The following MSI2 variants were observed in gnomAD, a reference collection of about 807,000 sequenced individuals.
MSI2 encodes musashi RNA binding protein 2, also known as RNA-binding protein Musashi homolog 2.
In MSI2, 17 loss-of-function variants were observed where a neutral mutation model predicts 45.6. That is an observed-to-expected ratio of 0.37 (90% CI 0.26 to 0.56). The LOEUF (loss-of-function observed/expected upper bound fraction) is 0.56, where lower values mean the gene tolerates loss of function less well. Among genes scored for constraint, MSI2 ranks in the 20% least tolerant of loss-of-function variants. The pLI is 0.77. For missense variants in MSI2, 293 were observed against 444.2 expected (o/e 0.66, Z 3.06); for synonymous variants, 156 against 158.2 (o/e 0.99, Z 0.11).
At chr17:57,610,137 T>C (rs1907090538) in intron 8 of MSI2, among the ~76,000 whole-genome samples, 2 of 152,028 alleles carry the variant, frequency 1.3e-5, no homozygotes, top group African/African-American at 4.8e-5. Context: ...ATGAAACGCA[T>C]ACCAACTTAC....
intron 7 of MSI2, among the ~76,000 whole-genome samples, chr17:57,570,170 G>A (rs1283311850): frequency 1.3e-5 from 2 of 152,134 alleles, no homozygotes; most frequent in Non-Finnish European, 2.9e-5. Context: ...ATTTATATAC[G>A]CTGTGAATCA....
intron 11 of MSI2, among the ~76,000 whole-genome samples, chr17:57,664,001 C>T (rs1438681055): frequency 6.8e-6 from 1 of 148,082 alleles, no homozygotes; most frequent in East Asian, 1.9e-4. Context: ...GGATGATTAA[C>T]AGCTTAAAAA....
At chr17:57,444,707 A>G (rs2084863771) in intron 6 of MSI2, 1 of 152,236 alleles carries the variant, frequency 6.6e-6, no homozygotes, top group Non-Finnish European at 1.5e-5. Flanking sequence ...TTGTCCCTGG[A>G]AGGGCAGAAA....
intron 5 of MSI2, among the ~76,000 whole-genome samples, chr17:57,377,680 A>G (rs916894540): frequency 6.6e-6 from 1 of 152,114 alleles, no homozygotes; most frequent in Admixed American, 6.5e-5. Context: ...CTTGCTCTTC[A>G]TTACTTTAAA....
chr17:57,547,242 C>T (rs2087190669), intron 7 of MSI2, among the ~76,000 whole-genome samples: 1 of 152,126 alleles, frequency 6.6e-6, no homozygotes, highest in African/African-American at 2.4e-5. Context: ...GGCAGACAAG[C>T]GCTGGATGGT....
At chr17:57,643,455 C>T (rs919641893) in intron 10 of MSI2, among the ~76,000 whole-genome samples, 9 of 152,260 alleles carry the variant, frequency 5.9e-5, no homozygotes, top group African/African-American at 2.2e-4. Flanking sequence ...TCCTGGTCCT[C>T]TGCTGGGTCA....
At chr17:57,301,317 A>G (rs1182602222) in intron 5 of MSI2, among the ~76,000 whole-genome samples, 2 of 152,232 alleles carry the variant, frequency 1.3e-5, no homozygotes, top group Admixed American at 1.3e-4. Flanking sequence ...AGCGGATGCA[A>G]GGTCCCAGAA....
At chr17:57,648,010 T>C (rs1431670357) in intron 10 of MSI2, among the ~76,000 whole-genome samples, 1 of 152,112 alleles carries the variant, frequency 6.6e-6, no homozygotes, top group African/African-American at 2.4e-5. Context: ...TCACCCAGGC[T>C]GGAGTGCAGT....
At chr17:57,555,724 A>G in intron 7 of MSI2, among the ~76,000 whole-genome samples, 1 of 152,172 alleles carries the variant, frequency 6.6e-6, no homozygotes, top group Non-Finnish European at 1.5e-5. Context: ...CTGGGACATA[A>G]TAGGTACTTG....
At chr17:57,608,188 T>C (rs997237792) in intron 8 of MSI2, 1 of 152,548 alleles carries the variant, frequency 6.6e-6, no homozygotes, top group African/African-American at 2.4e-5. Context: ...AGGGGTGCAA[T>C]TGCTGCCTCA....
intron 5 of MSI2, among the ~76,000 whole-genome samples, chr17:57,337,889 A>G (rs1308930971): frequency 6.6e-6 from 1 of 152,170 alleles, no homozygotes; most frequent in East Asian, 1.9e-4. Context: ...AAGAACCCAG[A>G]ATTAGAATCA....
chr17:57,450,503 C>G (rs566894050), intron 6 of MSI2, among the ~76,000 whole-genome samples: 33 of 151,534 alleles, frequency 2.2e-4, no homozygotes, highest in Admixed American at 6.6e-5. Context: ...ATGGTGAAAC[C>G]CTGTAAAAAT....
intron 5 of MSI2, among the ~76,000 whole-genome samples, chr17:57,324,699 T>A (rs1280429629): frequency 2.0e-5 from 3 of 152,194 alleles, no homozygotes; most frequent in Admixed American, 6.5e-5. Flanking sequence ...AGAGGCCAAC[T>A]CCATTCCATC....
At chr17:57,367,893 G>C (rs1394544367) in intron 5 of MSI2, among the ~76,000 whole-genome samples, 2 of 152,148 alleles carry the variant, frequency 1.3e-5, no homozygotes, top group Non-Finnish European at 2.9e-5. Flanking sequence ...GTAGGAGACG[G>C]AGGGTGCCGC....
At chr17:57,333,025 C>CA (rs1038343649) in intron 5 of MSI2, among the ~76,000 whole-genome samples, 4 of 144,718 alleles carry the variant, frequency 2.8e-5, no homozygotes, top group East Asian at 2.1e-4. Flanking sequence ...ACTCTGTGTC[C>CA]AAAAAAAAGA....
At chr17:57,651,856 G>A (rs1911174948) in intron 10 of MSI2, among the ~76,000 whole-genome samples, 1 of 152,218 alleles carries the variant, frequency 6.6e-6, no homozygotes, top group African/African-American at 2.4e-5. Flanking sequence ...ATTGTTGTGG[G>A]CCTTCTAGAA....
intron 6 of MSI2, chr17:57,450,003 C>T (rs1045123389): frequency 6.6e-6 from 1 of 151,988 alleles, no homozygotes; most frequent in African/African-American, 2.4e-5. Flanking sequence ...TCTAGCCTGG[C>T]AACAGAGTGA....
At chr17:57,435,192 C>T (rs2084669636) in intron 6 of MSI2, among the ~76,000 whole-genome samples, 1 of 152,078 alleles carries the variant, frequency 6.6e-6, no homozygotes, top group African/African-American at 2.4e-5. Context: ...CTCTCAGAAG[C>T]TGGTTTTGAA....
At chr17:57,434,664 T>C (rs2084659381) in intron 6 of MSI2, among the ~76,000 whole-genome samples, 3 of 152,236 alleles carry the variant, frequency 2.0e-5, no homozygotes, top group Non-Finnish European at 1.5e-5. Context: ...AATATTTGTC[T>C]TTCTGTACCT....
Sources: allele counts gnomAD v4.1 joint callset (sites outside exome capture counted in the v4.1 genomes callset), GRCh38; gene constraint gnomAD v4.1.1; transcripts MANE v1.5; gene names NCBI Gene and HGNC (gene_info 2026-07-23, HGNC 2026-07-21).